Variants in PDZD2 observed in about 807,000 individuals in gnomAD.
The protein encoded by PDZD2 is PDZ domain-containing protein 2.
Under a neutral mutation model 220.7 loss-of-function variants are expected in PDZD2, and 90 were observed. The ratio of observed to expected loss-of-function variants is 0.41; its 90% CI spans 0.34 to 0.49. The LOEUF is 0.49. PDZD2 is among the 20% of genes least tolerant of loss of function. The pLI is 0.28. For synonymous variants in PDZD2, 1,375 were observed against 1,450.5 expected (o/e 0.95, Z 1.18); for missense variants, 3,174 against 3,608.5 (o/e 0.88, Z 3.08).
chr5:31,881,239 G>C (rs1262869554), intron 2 of PDZD2, among the ~76,000 whole-genome samples: 1 of 151,394 alleles, frequency 6.6e-6, no homozygotes, highest in African/African-American at 2.4e-5. Flanking sequence ...CATTATGATT[G>C]GATTTGACTT....
chr5:31,758,732 C>T (rs114141229), intron 1 of PDZD2, among the ~76,000 whole-genome samples: 6 of 152,230 alleles, frequency 3.9e-5, no homozygotes, highest in African/African-American at 1.4e-4. Flanking sequence ...TTAACCTGGC[C>T]CCTTCCATCT....
chr5:31,727,667 T>C (rs145464815), intron 1 of PDZD2, among the ~76,000 whole-genome samples: 16,618 of 138,386 alleles, frequency 0.12, 1,080 homozygotes, highest in African/African-American at 0.18. Flanking sequence ...GCCATTGCAC[T>C]CCAACCTGGG....
chr5:31,663,827 G>A (rs979069007), intron 1 of PDZD2, among the ~76,000 whole-genome samples: 17 of 152,134 alleles, frequency 1.1e-4, no homozygotes, highest in African/African-American at 2.7e-4. Context: ...GCCCTGAACC[G>A]TTTGTGGCTT....
chr5:31,981,246 AC>A (rs1283972830), intron 2 of PDZD2, among the ~76,000 whole-genome samples: 1 of 151,470 alleles, frequency 6.6e-6, no homozygotes, highest in Non-Finnish European at 1.5e-5. Flanking sequence ...AGTCATGAGT[AC>A]CCCCCACCTT....
chr5:31,914,892 G>T (rs970736545), intron 2 of PDZD2, among the ~76,000 whole-genome samples: 2 of 152,188 alleles, frequency 1.3e-5, no homozygotes, highest in African/African-American at 2.4e-5. Context: ...TCATACAGGA[G>T]TGGAGGTAGC....
At chr5:32,006,923 T>TTG (rs1752863914) in intron 5 of PDZD2, among the ~76,000 whole-genome samples, 2 of 129,056 alleles carry the variant, frequency 1.5e-5, no homozygotes, top group Admixed American at 7.9e-5. Context: ...TTTTTTTTTT[T>TTG]TTTTTTTTTT....
intron 1 of PDZD2, chr5:31,692,884 G>C (rs1323041715): frequency 1.3e-5 from 2 of 152,342 alleles, no homozygotes; most frequent in Non-Finnish European, 2.9e-5. Flanking sequence ...TCCGGGTCAG[G>C]GGAATCGGCG....
intron 7 of PDZD2, among the ~76,000 whole-genome samples, chr5:32,048,273 A>G (rs1174829477): frequency 2.6e-5 from 4 of 152,230 alleles, no homozygotes; most frequent in Non-Finnish European, 4.4e-5. Flanking sequence ...TATTGGGAAC[A>G]CACATTTACA....
intron 6 of PDZD2, among the ~76,000 whole-genome samples, chr5:32,018,073 G>A (rs1475983204): frequency 6.6e-6 from 1 of 152,206 alleles, no homozygotes; most frequent in African/African-American, 2.4e-5. Flanking sequence ...AAAAGAGCCA[G>A]GACAAAGAGA....
intron 2 of PDZD2, among the ~76,000 whole-genome samples, chr5:31,900,453 C>G (rs946945699): frequency 6.6e-6 from 1 of 152,120 alleles, no homozygotes; most frequent in African/African-American, 2.4e-5. Flanking sequence ...GGAGGGACTT[C>G]GGGCCTGGAA....
At chr5:31,989,025 G>C (rs1370738443) in intron 3 of PDZD2, among the ~76,000 whole-genome samples, 2 of 152,154 alleles carry the variant, frequency 1.3e-5, no homozygotes, top group African/African-American at 4.8e-5. Context: ...GTCCCCAGTA[G>C]ACTTTAAGAG....
rs748002367 is a variant in PDZD2 at position 32,093,017 on chromosome 5, A to C, written c.7838A>C (p.Gln2613Pro). Residue 2613 changes from glutamine (Q) to proline (P), a missense_variant, in exon 21 of 25, where the codon CAA becomes CCA. This residue lies in a region of PDZD2 where 631 missense variants were observed against 789.9 expected (regional missense o/e 0.80). Transcript: ENST00000438447. ...ILTLIQEAKA[Q>P]SENEEDVCFI... is the part of the protein sequence containing the mutation. ...ACTCTCATTCAGGAAGCGAAAGCAC[A>C]ATCAGAGGTGAGTGAAACACAGAAA... is the stretch of plus-strand genomic sequence containing the variant. 2 of 1,507,440 alleles carry C rather than the reference A, an allele frequency of 1.3e-6. No homozygotes were observed. Among genetic ancestry groups the C allele is most frequent in the South Asian group, 2.3e-5 (2 of 88,608 alleles). 93.4% of individuals were successfully genotyped at this position (1,507,440 alleles called of 1,614,324 possible). A position where few individuals can be genotyped will look rare whatever the true frequency, so the allele number is the denominator to read the frequency against.
chr5:31,850,359 A>C (rs1361914997), intron 2 of PDZD2, among the ~76,000 whole-genome samples: 1 of 137,990 alleles, frequency 7.2e-6, no homozygotes, highest in Non-Finnish European at 1.7e-5. Flanking sequence ...TTTTGAGAGA[A>C]CATTACATTC....
At chr5:31,898,037 A>AG (rs1271041711) in intron 2 of PDZD2, among the ~76,000 whole-genome samples, 1 of 152,140 alleles carries the variant, frequency 6.6e-6, no homozygotes, top group Non-Finnish European at 1.5e-5. Context: ...CACCGCACCC[A>AG]GCCAGTTTTG....
chr5:31,751,794 G>A (rs1750989483), intron 1 of PDZD2, among the ~76,000 whole-genome samples: 1 of 152,084 alleles, frequency 6.6e-6, no homozygotes, highest in African/African-American at 2.4e-5. Context: ...ATTTTTGTGA[G>A]GGTGGCCTTT....
At chr5:31,852,983 G>A (rs761686000) in intron 2 of PDZD2, among the ~76,000 whole-genome samples, 6 of 152,158 alleles carry the variant, frequency 3.9e-5, no homozygotes, top group Non-Finnish European at 8.8e-5. Context: ...TAAAACATTG[G>A]GAAACTGTTG....
In PDZD2 at chr5:32,088,987, G is replaced by A. The variant is rs770014046; in HGVS notation, c.5539G>A (p.Val1847Met). ...TTCAAGCCAAAAAAAGGGCGTTACT[G>A]TGCCTCATAGCCCTCCTCAGCCGAA... ...VSSSQKKGVTVPHSPPQPKTN... is the reference protein window; with the variant it reads ...VSSSQKKGVTMPHSPPQPKTN... Residue 1847 changes from valine to methionine, a missense_variant, in exon 20 of 25, where the codon GTG (valine) becomes ATG (methionine). Physicochemically the swap from Val to Met is conservative, Grantham distance 21. Coordinates refer to ENST00000438447, the MANE Select transcript of PDZD2 (RefSeq NM_178140.4). This position sits in a 1 kb window ranked among gnomAD's most constrained non-coding sequence, Gnocchi z 4.6. 1 of 1,614,000 alleles carries A rather than the reference G, an allele frequency of 6.2e-7. No homozygotes were observed. Among genetic ancestry groups the A allele is most frequent in the South Asian group, 1.1e-5 (1 of 91,074 alleles).
At chr5:31,902,500 T>A (rs977350493) in intron 2 of PDZD2, among the ~76,000 whole-genome samples, 1 of 149,194 alleles carries the variant, frequency 6.7e-6, no homozygotes, top group Non-Finnish European at 1.5e-5. Flanking sequence ...TTTTTTTTTT[T>A]CAGACAGATT....
chr5:31,956,154 C>T lies in PDZD2; in HGVS notation c.477-27001C>T, dbSNP rs1747657697. On this transcript the variant is annotated intron_variant, in intron 2 of 24. Coordinates refer to ENST00000438447, the MANE Select transcript of PDZD2 (RefSeq NM_178140.4). ...AGGTCCCTTGCTCTATAGTACTGTT[C>T]AAGTCCACTGTTTGCTTATTGATTT... is the stretch of plus-strand genomic sequence containing the variant. Among the ~76,000 whole-genome samples, 3 of 152,036 alleles carry T rather than the reference C, an allele frequency of 2.0e-5. No individual in the cohort carries two copies. In the South Asian group the frequency reaches 6.2e-4, roughly 32 times the overall value.
Sources: gnomAD v4.1 joint callset for allele counts (sites outside exome capture counted in the v4.1 genomes callset) on GRCh38, gnomAD v4.1.1 for gene constraint, gnomAD v4.1.1 regional missense constraint, Gnocchi (gnomAD v3.1) non-coding constraint, MANE v1.5 for transcripts, NCBI Gene and HGNC (gene_info 2026-07-23, HGNC 2026-07-21) for gene names.